The following SYT1 variants were observed in gnomAD, a reference collection of about 807,000 sequenced individuals.
SYT1 encodes synaptotagmin-1.
Under a neutral mutation model 44.8 loss-of-function variants are expected in SYT1, and 8 were observed. The ratio of observed to expected loss-of-function variants is 0.18; its 90% CI spans 0.10 to 0.32. The LOEUF (loss-of-function observed/expected upper bound fraction) is 0.32, where lower values mean the gene tolerates loss of function less well. SYT1 is among the 10% of genes least tolerant of loss of function. The pLI is 1.00. For missense variants in SYT1, 286 were observed against 509.3 expected, an observed-to-expected ratio of 0.56 and a Z score of 4.22; for synonymous variants, 154 against 188.8, an observed-to-expected ratio of 0.82 and a Z score of 1.51.
rs939108222 is a variant in SYT1 at position 79,386,872 on chromosome 12, G to A, written c.928+33253G>A. 5.3e-5 allele frequency among the ~76,000 whole-genome samples: 8 copies of A among 152,054 alleles called. 1 individual carries two copies. Among genetic ancestry groups the A allele is most frequent in the Admixed American group, 2.0e-4 (3 of 15,264 alleles). The stretch of plus-strand genomic sequence containing the variant: ...GTGACCTCCTACTTCACTTCTCTAC[G>A]GGTGTGCACTCTCCTTATCTTTCTT... On this transcript the variant is annotated intron_variant, in intron 9 of 10. Coordinates refer to ENST00000261205, the MANE Select transcript of SYT1 (RefSeq NM_005639.3).
intron 1 of SYT1, among the ~76,000 whole-genome samples, chr12:78,867,114 C>A (rs558852258): frequency 5.3e-5 from 8 of 151,364 alleles, no homozygotes; most frequent in Middle Eastern, 3.5e-3. Context: ...TTTAGAGGTG[C>A]CACCTTTTGG....
intron 2 of SYT1, among the ~76,000 whole-genome samples, chr12:79,038,056 T>A (rs1873256129): frequency 1.3e-5 from 2 of 151,696 alleles, no homozygotes; most frequent in Admixed American, 1.3e-4. Flanking sequence ...CACAAAAAGC[T>A]GCAGGGATAG....
intron 3 of SYT1, among the ~76,000 whole-genome samples, chr12:79,171,986 A>T (rs1334670557): frequency 6.6e-6 from 1 of 151,964 alleles, no homozygotes; most frequent in Admixed American, 6.6e-5. Flanking sequence ...TTATTTTTTA[A>T]AGGTATCTTG....
chr12:79,422,060 G>A (rs553288135), intron 9 of SYT1, among the ~76,000 whole-genome samples: 64 of 151,968 alleles, frequency 4.2e-4, no homozygotes, highest in African/African-American at 1.5e-3. Context: ...GCCATTCCTC[G>A]AGGCCGGTAA....
chr12:78,906,840 C>T (rs1417630716), intron 1 of SYT1, among the ~76,000 whole-genome samples: 2 of 152,098 alleles, frequency 1.3e-5, no homozygotes, highest in Non-Finnish European at 2.9e-5. Flanking sequence ...AACATCTCAT[C>T]ACCAAAACAT....
At chr12:79,072,206 G>C (rs1005761512) in intron 3 of SYT1, among the ~76,000 whole-genome samples, 7 of 151,994 alleles carry the variant, frequency 4.6e-5, no homozygotes, top group Admixed American at 6.6e-5. Flanking sequence ...AATTAAAGAT[G>C]GGGTAAAAAA....
chr12:78,889,164 G>C (rs188476890), intron 1 of SYT1, among the ~76,000 whole-genome samples: 1 of 151,752 alleles, frequency 6.6e-6, no homozygotes, highest in South Asian at 2.1e-4. Flanking sequence ...GGGAATGTTT[G>C]TTAAGAACTA....
intron 4 of SYT1, among the ~76,000 whole-genome samples, chr12:79,250,798 A>G (rs1448864709): frequency 6.6e-6 from 1 of 152,188 alleles, no homozygotes; most frequent in Non-Finnish European, 1.5e-5. Context: ...GGCTTCCACA[A>G]AGCTGGACAC....
chr12:78,910,109 C>T (rs529033857), intron 1 of SYT1, among the ~76,000 whole-genome samples: 3 of 152,004 alleles, frequency 2.0e-5, no homozygotes, highest in South Asian at 2.1e-4. Flanking sequence ...TTAGAAATTG[C>T]TTCCTCACCA....
intron 2 of SYT1, among the ~76,000 whole-genome samples, chr12:79,028,452 A>G (rs546867793): frequency 1.8e-3 from 276 of 151,490 alleles, no homozygotes; most frequent in South Asian, 4.8e-3. Flanking sequence ...TTTTTTCTGT[A>G]GAGAAAATTA....
chr12:79,422,847 G>T (rs1869201693), intron 9 of SYT1, among the ~76,000 whole-genome samples: 1 of 151,948 alleles, frequency 6.6e-6, no homozygotes, highest in East Asian at 1.9e-4. Context: ...TCTAATCTAG[G>T]TGCTGGAAGT....
chr12:78,969,034 T>C (rs1468692683), intron 1 of SYT1, among the ~76,000 whole-genome samples: 3 of 152,234 alleles, frequency 2.0e-5, no homozygotes, highest in Admixed American at 6.5e-5. Flanking sequence ...TCAACATCCT[T>C]GGATTCAACC....
intron 10 of SYT1, among the ~76,000 whole-genome samples, chr12:79,446,358 A>G (rs1870738153): frequency 6.6e-6 from 1 of 152,040 alleles, no homozygotes; most frequent in African/African-American, 2.4e-5. Context: ...ATAAGATTAA[A>G]TCAGTATATA....
intron 3 of SYT1, among the ~76,000 whole-genome samples, chr12:79,211,353 T>C (rs1874432930): frequency 6.6e-6 from 1 of 152,222 alleles, no homozygotes; most frequent in African/African-American, 2.4e-5. Flanking sequence ...ATAATGTTAC[T>C]ACAAACATCC....
intron 8 of SYT1, among the ~76,000 whole-genome samples, chr12:79,308,591 G>GAAAGAAAGAAAGAAA (rs377566583): frequency 9.1e-6 from 1 of 110,462 alleles, no homozygotes; most frequent in Admixed American, 9.2e-5. Context: ...GGAAAAGAAA[G>GAAAGAAAGAAAGAAA]AAGAAAGAAA....
chr12:78,895,420 C>T (rs1167022641), intron 1 of SYT1, among the ~76,000 whole-genome samples: 1 of 151,544 alleles, frequency 6.6e-6, no homozygotes, highest in Non-Finnish European at 1.5e-5. Context: ...GTTTGCCTCC[C>T]ACATAATAAG....
chr12:78,885,443 A>G lies in SYT1; in HGVS notation c.-217+20334A>G, dbSNP rs1010572901. Among the ~76,000 whole-genome samples, 9 of 151,964 alleles carry G rather than the reference A, an allele frequency of 5.9e-5. No homozygotes were observed. The East Asian group carries it at 1.4e-3, about 23-fold the overall frequency. ...GCTATTAATAAGCTTTATTTTCATGATTGCTATCAAAAAAATAAAAATAAA... is the reference window on the plus strand; with the variant it reads ...GCTATTAATAAGCTTTATTTTCATGGTTGCTATCAAAAAAATAAAAATAAA... On this transcript the variant is annotated intron_variant, in intron 1 of 10. Transcript: ENST00000261205.
intron 9 of SYT1, among the ~76,000 whole-genome samples, chr12:79,410,543 TAAC>T (rs1279807133): frequency 1.6e-5 from 2 of 121,544 alleles, no homozygotes; most frequent in Non-Finnish European, 3.5e-5. Flanking sequence ...ACGACAATAA[TAAC>T]AACAAAATAA....
chr12:79,023,891 C>T (rs1872355006), intron 2 of SYT1, among the ~76,000 whole-genome samples: 1 of 151,762 alleles, frequency 6.6e-6, no homozygotes, highest in Non-Finnish European at 1.5e-5. Context: ...TACTCCTAAA[C>T]ACTTAAGTAT....
Sources: allele counts gnomAD v4.1 joint callset (sites outside exome capture counted in the v4.1 genomes callset), GRCh38; gene constraint gnomAD v4.1.1; transcripts MANE v1.5; gene names NCBI Gene and HGNC (gene_info 2026-07-23, HGNC 2026-07-21).